The following REEP5 variants were observed in gnomAD, a reference collection of about 807,000 sequenced individuals.
The protein encoded by REEP5 is receptor accessory protein 5, also known as receptor expression-enhancing protein 5.
Under a neutral mutation model 22.4 loss-of-function variants are expected in REEP5, and 24 were observed. The observed-to-expected ratio is 1.07, with a 90% CI of 0.78 to 1.51. REEP5 has a LOEUF of 1.51. Ranked by LOEUF, REEP5 falls within the 40% of genes most tolerant of loss-of-function variation. The pLI is 0.00. For missense variants in REEP5, 252 were observed against 233.0 expected, an observed-to-expected ratio of 1.08 and a Z score of -0.53; for synonymous variants, 103 against 88.6, an observed-to-expected ratio of 1.16 and a Z score of -0.92.
At chr5:112,902,593 C>G in intron 2 of REEP5, 75 bp from the exon 3 acceptor site, 3 of 1,379,386 alleles carry the variant, frequency 2.2e-6, no homozygotes, top group Non-Finnish European at 2.9e-6. Context: ...ACTTTCATAA[C>G]CTGTCCTCTG....
At chr5:112,883,908 C>T (rs1415237325) in intron 4 of REEP5, among the ~76,000 whole-genome samples, 1 of 152,116 alleles carries the variant, frequency 6.6e-6, no homozygotes, top group Admixed American at 6.6e-5. Context: ...CTGACCCATG[C>T]CCAATCCATA....
At chr5:112,913,710 TCA>T (rs1339820483) in intron 2 of REEP5, among the ~76,000 whole-genome samples, 1 of 152,136 alleles carries the variant, frequency 6.6e-6, no homozygotes, top group African/African-American at 2.4e-5. Flanking sequence ...GAAGAGTCAG[TCA>T]CAGTCAAATA....
Position 112,901,862 on chromosome 5 carries a change from C to A in REEP5, c.351+518G>T, listed in dbSNP as rs529021397. 2.0e-5 allele frequency among the ~76,000 whole-genome samples: 3 copies of A among 151,704 alleles called. 1 individual carries two copies. In the South Asian group the frequency reaches 6.2e-4, roughly 32 times the overall value. On this transcript the variant is annotated intron_variant, in intron 3 of 4. Transcript: ENST00000379638. ...CCTGTAATCCCTGCTACTCAGGAGG[C>A]TGAGGCAGGAGAATTGCTTGAACCT...
intron 2 of REEP5, among the ~76,000 whole-genome samples, chr5:112,920,550 A>G (rs1286956484): frequency 3.3e-5 from 5 of 152,224 alleles, no homozygotes; most frequent in Admixed American, 3.3e-4. Context: ...AATCGTAAAA[A>G]TTCATTTTTT....
At position 112,876,474 on chromosome 5, in the gene REEP5, G is replaced by A. The variant is rs1455255015; in HGVS notation, c.*2312C>T. ...TAGGTGATAACAGTGTGAAGGGTGT[G>A]CTCATTTTCTTCAGCTGTGAGTAGA... is the stretch of plus-strand genomic sequence containing the variant. On this transcript the variant is annotated 3_prime_UTR_variant, in exon 5 of 5. Coordinates refer to ENST00000379638, the MANE Select transcript of REEP5 (RefSeq NM_005669.5). 1 of 152,182 alleles carries A rather than the reference G, an allele frequency of 6.6e-6. No individual in the cohort carries two copies. Among genetic ancestry groups the A allele is most frequent in the Non-Finnish European group, 1.5e-5 (1 of 68,022 alleles). 9.4% of individuals were successfully genotyped at this position (152,182 alleles called of 1,614,324 possible). A position where few individuals can be genotyped will look rare whatever the true frequency, so the allele number is the denominator to read the frequency against.
chr5:112,919,463 G>C (rs1769303037), intron 2 of REEP5, among the ~76,000 whole-genome samples: 1 of 151,568 alleles, frequency 6.6e-6, no homozygotes, highest in African/African-American at 2.4e-5. Context: ...CAGGAGAATT[G>C]CTTGAATTTG....
At chr5:112,911,912 A>C (rs1407853508) in intron 2 of REEP5, among the ~76,000 whole-genome samples, 1 of 152,208 alleles carries the variant, frequency 6.6e-6, no homozygotes, top group East Asian at 1.9e-4. Flanking sequence ...GGAACAAAAA[A>C]TGAAAGTGAA....
At chr5:112,921,339 G>A (rs1283937406) in intron 1 of REEP5, 83 bp from the exon 2 acceptor site, 1 of 1,336,866 alleles carries the variant, frequency 7.5e-7, no homozygotes, top group Non-Finnish European at 1.1e-6. Context: ...CGCGAGGCTG[G>A]GCCTGTTGTA....
chr5:112,918,458 G>C (rs1028158585), intron 2 of REEP5, among the ~76,000 whole-genome samples: 1 of 152,132 alleles, frequency 6.6e-6, no homozygotes, highest in Non-Finnish European at 1.5e-5. Context: ...TTTGCATCCT[G>C]CAGTCTCTTG....
chr5:112,921,407 G>A, intron 1 of REEP5, 151 bp from the exon 2 acceptor site: 1 of 725,704 alleles, frequency 1.4e-6, no homozygotes, highest in Non-Finnish European at 2.4e-6. Flanking sequence ...ACGAAAGCTG[G>A]GCCTGCGCGT....
intron 2 of REEP5, among the ~76,000 whole-genome samples, chr5:112,908,682 C>T (rs1313170799): frequency 6.6e-6 from 1 of 151,322 alleles, no homozygotes; most frequent in Non-Finnish European, 1.5e-5. Flanking sequence ...CCCACGACAG[C>T]GCCCACGACC....
intron 2 of REEP5, among the ~76,000 whole-genome samples, chr5:112,919,637 G>C (rs1221057287): frequency 1.3e-5 from 2 of 152,162 alleles, no homozygotes; most frequent in Admixed American, 6.5e-5. Context: ...AAAGAGGCTT[G>C]AGGGAGCCAG....
chr5:112,891,369 G>A (rs911720718), intron 3 of REEP5, among the ~76,000 whole-genome samples: 34 of 151,996 alleles, frequency 2.2e-4, no homozygotes, highest in African/African-American at 7.0e-4. Context: ...CACCGCACCT[G>A]GCCATAAGTA....
At chr5:112,892,087 A>G (rs758469884) in intron 3 of REEP5, 1 of 1,611,880 alleles carries the variant, frequency 6.2e-7, no homozygotes, top group Non-Finnish European at 8.5e-7. Context: ...TCAGGCTGAA[A>G]ATGATTTAGA....
At position 112,902,501 on chromosome 5, in the gene REEP5, C is replaced by T; in HGVS notation, c.230G>A (p.Ser77Asn). 6.3e-7 allele frequency: 1 copy of T among 1,598,318 alleles called. No homozygotes were observed. Among genetic ancestry groups the T allele is most frequent in the Non-Finnish European group, 8.5e-7 (1 of 1,175,084 alleles). The change falls in exon 3 of 5, where the codon AGT becomes AAT. Residue 77 changes from serine (S) to asparagine (N), a missense_variant. Coordinates refer to ENST00000379638, the MANE Select transcript of REEP5 (RefSeq NM_005669.5). ...PAYISIKAIE[S>N]PNKEDDTQWL... ...CTGGGTATCATCTTCTTTGTTGGGA[C>T]TCTCTATAGCTTTAATTCTGAAAGG...
At chr5:112,887,527 T>A (rs1270221230) in intron 3 of REEP5, among the ~76,000 whole-genome samples, 1 of 152,198 alleles carries the variant, frequency 6.6e-6, no homozygotes, top group Non-Finnish European at 1.5e-5. Flanking sequence ...AATATAGTAC[T>A]TATCTGCATG....
intron 3 of REEP5, among the ~76,000 whole-genome samples, chr5:112,890,204 G>A (rs1768392990): frequency 6.7e-6 from 1 of 150,244 alleles, no homozygotes; most frequent in Admixed American, 6.6e-5. Flanking sequence ...GTGGGAGGGT[G>A]GCTTGACCTT....
Position 112,892,966 on chromosome 5 carries a change from CAGAG to C in REEP5, c.352-5787_352-5784del, listed in dbSNP as rs751097434. 2.5e-6 allele frequency: 4 copies of C among 1,594,230 alleles called. No individual in the cohort carries two copies. In the Admixed American group the frequency reaches 6.9e-5, roughly 28 times the overall value. On this transcript the variant is annotated intron_variant, in intron 3 of 4. Coordinates refer to ENST00000379638, the MANE Select transcript of REEP5 (RefSeq NM_005669.5). Reference sequence around the variant, plus strand: ...CAGCTGGGACCAGGGCCGCCGGAGCCAGAGCCGCAGGAGCCACCGCAGCCGGAGC... The same window carrying C: ...CAGCTGGGACCAGGGCCGCCGGAGCCCCGCAGGAGCCACCGCAGCCGGAGC...
chr5:112,908,101 G>GTTTTTTT (rs1047059353), intron 2 of REEP5, among the ~76,000 whole-genome samples: 26 of 83,902 alleles, frequency 3.1e-4, no homozygotes, highest in East Asian at 5.0e-4. Context: ...TTTGTTTTTT[G>GTTTTTTT]TTTTTTTTTT....
Sources: gnomAD v4.1 joint callset for allele counts (sites outside exome capture counted in the v4.1 genomes callset) on GRCh38, gnomAD v4.1.1 for gene constraint, MANE v1.5 for transcripts, NCBI Gene and HGNC (gene_info 2026-07-23, HGNC 2026-07-21) for gene names.